The following PDZD2 variants were observed in gnomAD, a reference collection of about 807,000 sequenced individuals.
PDZD2 encodes the protein PDZ domain containing 2, also known as PDZ domain-containing protein 2.
PDZD2 carries 90 observed loss-of-function variants against 220.7 expected under a neutral mutation model. The observed-to-expected ratio is 0.41, with a 90% CI of 0.34 to 0.49. The LOEUF (loss-of-function observed/expected upper bound fraction) is 0.49, where lower values mean the gene tolerates loss of function less well. Ranked by LOEUF, PDZD2 falls within the 20% of genes least tolerant of loss-of-function variation. The pLI is 0.28. For synonymous variants in PDZD2, 1,375 were observed against 1,450.5 expected (o/e 0.95, Z 1.18); for missense variants, 3,174 against 3,608.5 (o/e 0.88, Z 3.08).
intron 6 of PDZD2, among the ~76,000 whole-genome samples, chr5:32,031,054 T>C (rs1160906830): frequency 1.3e-5 from 2 of 152,204 alleles, no homozygotes; most frequent in Non-Finnish European, 2.9e-5. Flanking sequence ...TCCTCTGCAG[T>C]CTTAAAATCA....
chr5:31,778,357 G>A lies in PDZD2; in HGVS notation c.-360-20532G>A, dbSNP rs904020024. ...CACACTGTGGAAGCTTTGTTCTTTCGCTCTTTGTAATAAATCTTGCTGCTG... is the reference window on the plus strand; with the variant it reads ...CACACTGTGGAAGCTTTGTTCTTTCACTCTTTGTAATAAATCTTGCTGCTG... On this transcript the variant is annotated intron_variant, in intron 1 of 24. Transcript: ENST00000438447. Among the ~76,000 whole-genome samples, 15 of 152,092 alleles carry A rather than the reference G, an allele frequency of 9.9e-5. 1 individual carries two copies. Among genetic ancestry groups the A allele is most frequent in the South Asian group, 6.2e-4 (3 of 4,822 alleles).
chr5:31,677,783 T>C (rs1449635144), intron 1 of PDZD2, among the ~76,000 whole-genome samples: 1 of 152,110 alleles, frequency 6.6e-6, no homozygotes, highest in African/African-American at 2.4e-5. Context: ...ACGGCATAAA[T>C]GCACTTATAT....
At chr5:31,684,986 G>T (rs956850676) in intron 1 of PDZD2, among the ~76,000 whole-genome samples, 2 of 152,104 alleles carry the variant, frequency 1.3e-5, no homozygotes, top group Non-Finnish European at 2.9e-5. Flanking sequence ...TTTGCTTGGT[G>T]CCAATTATTC....
At chr5:31,809,490 G>A (rs1754960552) in intron 2 of PDZD2, among the ~76,000 whole-genome samples, 1 of 152,150 alleles carries the variant, frequency 6.6e-6, no homozygotes, top group African/African-American at 2.4e-5. Context: ...CGGCCCTCAG[G>A]AGTCGCACTA....
intron 1 of PDZD2, among the ~76,000 whole-genome samples, chr5:31,645,749 A>G (rs551245985): frequency 1.3e-5 from 2 of 152,116 alleles, no homozygotes; most frequent in African/African-American, 4.8e-5. Context: ...GACAGCCATC[A>G]TCCTGCTTGG....
chr5:31,728,279 C>G (rs973866999), intron 1 of PDZD2, among the ~76,000 whole-genome samples: 1 of 151,976 alleles, frequency 6.6e-6, no homozygotes, highest in African/African-American at 2.4e-5. Flanking sequence ...CCAGATATTG[C>G]CAAATGTCCC....
At chr5:31,959,648 C>A (rs940329553) in intron 2 of PDZD2, among the ~76,000 whole-genome samples, 2 of 152,158 alleles carry the variant, frequency 1.3e-5, no homozygotes, top group East Asian at 1.9e-4. Context: ...CTGCACCTGG[C>A]CTGTTGTGAA....
chr5:31,827,884 A>G (rs1756326664), intron 2 of PDZD2, among the ~76,000 whole-genome samples: 1 of 152,082 alleles, frequency 6.6e-6, no homozygotes. Flanking sequence ...TATTACAGGG[A>G]TTCTCCATAC....
At chr5:32,097,613 C>T (rs546982846) in intron 22 of PDZD2, among the ~76,000 whole-genome samples, 32 of 152,232 alleles carry the variant, frequency 2.1e-4, no homozygotes, top group Non-Finnish European at 3.7e-4. Context: ...CCTATAAACA[C>T]AATTCGCTAT....
intron 2 of PDZD2, chr5:31,848,145 C>T: frequency 3.6e-6 from 1 of 279,572 alleles, no homozygotes; most frequent in Non-Finnish European, 7.0e-6. Flanking sequence ...GAGCGGGCTA[C>T]TAAGACCTAA....
intron 2 of PDZD2, among the ~76,000 whole-genome samples, chr5:31,833,641 A>AAAC (rs1756760864): frequency 7.6e-6 from 1 of 130,752 alleles, no homozygotes; most frequent in South Asian, 2.8e-4. Context: ...GTCTCAAAAA[A>AAAC]AAAAAAAAAG....
chr5:32,020,900 C>T (rs1365529450), intron 6 of PDZD2, among the ~76,000 whole-genome samples: 1 of 152,014 alleles, frequency 6.6e-6, no homozygotes, highest in South Asian at 2.1e-4. Flanking sequence ...CCCACCTCAG[C>T]CTCCCAAAGT....
At chr5:31,657,256 T>G (rs1745588609) in intron 1 of PDZD2, 1 of 152,272 alleles carries the variant, frequency 6.6e-6, no homozygotes, top group Non-Finnish European at 1.5e-5. Flanking sequence ...GTGCAATGTC[T>G]TTGAGGGCAA....
intron 1 of PDZD2, among the ~76,000 whole-genome samples, chr5:31,699,518 G>A (rs967142143): frequency 6.6e-6 from 1 of 152,154 alleles, no homozygotes; most frequent in African/African-American, 2.4e-5. Context: ...GGAGGCTGAA[G>A]CAGGTGGATC....
At chr5:31,694,114 T>C (rs531883651) in intron 1 of PDZD2, among the ~76,000 whole-genome samples, 11 of 152,168 alleles carry the variant, frequency 7.2e-5, no homozygotes, top group Admixed American at 2.0e-4. Context: ...AAAACAGTGC[T>C]TGTAGGCCGG....
chr5:31,659,305 A>G (rs1226128944), intron 1 of PDZD2, among the ~76,000 whole-genome samples: 3 of 152,070 alleles, frequency 2.0e-5, no homozygotes, highest in Non-Finnish European at 4.4e-5. Flanking sequence ...TTTGAGCCAC[A>G]TCTTCAACTT....
chr5:32,075,056 C>T (rs967681012), intron 18 of PDZD2, among the ~76,000 whole-genome samples: 1 of 152,162 alleles, frequency 6.6e-6, no homozygotes, highest in Non-Finnish European at 1.5e-5. Context: ...AGGTGATCCA[C>T]CTGCCTCGGC....
chr5:32,007,260 G>T (rs1028441743), intron 5 of PDZD2, among the ~76,000 whole-genome samples: 6 of 151,478 alleles, frequency 4.0e-5, no homozygotes, highest in African/African-American at 1.5e-4. Context: ...TGATCCACCC[G>T]CCACAGCCTC....
intron 6 of PDZD2, among the ~76,000 whole-genome samples, chr5:32,022,489 G>A (rs1268999500): frequency 6.6e-6 from 1 of 151,668 alleles, no homozygotes; most frequent in Non-Finnish European, 1.5e-5. Flanking sequence ...TTATAGGTAT[G>A]AGCCCCCGCA....
Sources: allele counts gnomAD v4.1 joint callset (sites outside exome capture counted in the v4.1 genomes callset), GRCh38; gene constraint gnomAD v4.1.1; transcripts MANE v1.5; gene names NCBI Gene and HGNC (gene_info 2026-07-23, HGNC 2026-07-21).